Variants in UIMC1 observed in about 807,000 individuals in gnomAD.
The protein encoded by UIMC1 is ubiquitin interaction motif containing 1, also known as BRCA1-A complex subunit RAP80.
A neutral mutation model predicts 84.9 loss-of-function variants in UIMC1; 42 were observed. That is an observed-to-expected ratio of 0.49 (90% CI 0.39 to 0.64). The LOEUF is 0.64. UIMC1 is among the 30% of genes least tolerant of loss of function. The probability of loss-of-function intolerance (pLI) is 0.00; values close to 1 mark genes in which losing one functional copy is unlikely to be tolerated. For missense variants in UIMC1, 825 were observed against 847.6 expected (o/e 0.97, Z 0.33); for synonymous variants, 281 against 293.0 (o/e 0.96, Z 0.42).
At chr5:176,971,246 T>C (rs1042950494) in intron 3 of UIMC1, among the ~76,000 whole-genome samples, 2 of 152,258 alleles carry the variant, frequency 1.3e-5, no homozygotes, top group Non-Finnish European at 2.9e-5. Flanking sequence ...CAACGCTTTA[T>C]GCTCAACATT....
intron 1 of UIMC1, among the ~76,000 whole-genome samples, chr5:177,020,238 T>G (rs1775759264): frequency 6.6e-6 from 1 of 152,186 alleles, no homozygotes; most frequent in African/African-American, 2.4e-5. Flanking sequence ...TCAGGGCCTT[T>G]GTACCTGCTG....
rs1468988297 is a variant in UIMC1, at chr5:177,012,940, G to C, written c.-9+9524C>G. On this transcript the variant is annotated intron_variant, in intron 1 of 5. Coordinates refer to the UIMC1 transcript ENST00000509236. ...AAAAATGAATAATAAAACTAGCCAG[G>C]CTTGGTAGTATGTGCCTATAGTCCT... Among the ~76,000 whole-genome samples, 7 of 151,734 alleles carry C rather than the reference G, an allele frequency of 4.6e-5. No individual in the cohort carries two copies. In the East Asian group the frequency reaches 1.4e-3, roughly 29 times the overall value.
intron 10 of UIMC1, among the ~76,000 whole-genome samples, chr5:176,914,150 G>A (rs1760676092): frequency 6.6e-6 from 1 of 151,792 alleles, no homozygotes; most frequent in Non-Finnish European, 1.5e-5. Flanking sequence ...TAACTAAGTT[G>A]CTGGGTATTT....
At chr5:176,909,092 ATTAAG>A (rs1421639680) in intron 11 of UIMC1, among the ~76,000 whole-genome samples, 22 of 152,382 alleles carry the variant, frequency 1.4e-4, no homozygotes, top group African/African-American at 3.8e-4. Context: ...AGAGCATTAA[ATTAAG>A]TTGACATTTT....
intron 2 of UIMC1, among the ~76,000 whole-genome samples, chr5:176,976,597 A>G (rs1770110551): frequency 6.6e-6 from 1 of 152,170 alleles, no homozygotes; most frequent in Admixed American, 6.5e-5. Flanking sequence ...CCCACTGTGG[A>G]AAAAAAAGAA....
At position 176,984,698 on chromosome 5, in the gene UIMC1, C is replaced by T. The variant is rs569515433; in HGVS notation, c.-8-2075G>A. On this transcript the variant is annotated intron_variant, in intron 1 of 14. Transcript: ENST00000511320. The stretch of plus-strand genomic sequence containing the variant: ...AAAGAGAGATCAGGTTGTTACTGTG[C>T]CTGTGTAGAAAGAAGTAGACATAGG... Among the ~76,000 whole-genome samples the T allele has an allele frequency of 4.6e-5, 7 of 151,582 alleles. 2 individuals carry two copies. Among genetic ancestry groups the T allele is most frequent in the African/African-American group, 1.5e-4 (6 of 41,358 alleles).
At chr5:176,993,836 C>T (rs1156593012) in intron 1 of UIMC1, among the ~76,000 whole-genome samples, 6 of 151,534 alleles carry the variant, frequency 4.0e-5, no homozygotes, top group East Asian at 3.9e-4. Context: ...GGTGAAACCC[C>T]GTCTCTACTA....
At chr5:176,956,577 C>T (rs142340388) in intron 7 of UIMC1, among the ~76,000 whole-genome samples, 37 of 152,276 alleles carry the variant, frequency 2.4e-4, no homozygotes, top group African/African-American at 8.7e-4. Flanking sequence ...AATTGAATCT[C>T]TTTTCTAACA....
intron 1 of UIMC1, among the ~76,000 whole-genome samples, chr5:177,012,428 T>C (rs536518843): frequency 1.5e-4 from 23 of 152,284 alleles, no homozygotes; most frequent in African/African-American, 5.5e-4. Flanking sequence ...CCAGGCGCAG[T>C]GTCTCACACC....
intron 10 of UIMC1, among the ~76,000 whole-genome samples, chr5:176,914,556 C>T (rs1361724989): frequency 6.6e-6 from 1 of 152,176 alleles, no homozygotes; most frequent in East Asian, 1.9e-4. Flanking sequence ...AGACAGCATA[C>T]ACACTCAAAT....
intron 1 of UIMC1, among the ~76,000 whole-genome samples, chr5:177,019,578 G>A (rs1775743681): frequency 6.7e-6 from 1 of 150,162 alleles, no homozygotes; most frequent in Non-Finnish European, 1.5e-5. Context: ...GGAGTTCAAG[G>A]TTACAGTGAG....
At chr5:176,926,601 C>T (rs1323219441) in intron 10 of UIMC1, among the ~76,000 whole-genome samples, 1 of 151,916 alleles carries the variant, frequency 6.6e-6, no homozygotes, top group Non-Finnish European at 1.5e-5. Flanking sequence ...CATGCCAGTG[C>T]ACTTCAGCCT....
At chr5:176,951,047 G>A (rs1203478634) in intron 9 of UIMC1, among the ~76,000 whole-genome samples, 3 of 151,932 alleles carry the variant, frequency 2.0e-5, no homozygotes, top group Non-Finnish European at 4.4e-5. Context: ...ATCAAATTAG[G>A]GCTGGAAGTT....
At chr5:176,932,858 C>CTT (rs749495757) in intron 10 of UIMC1, among the ~76,000 whole-genome samples, 2,831 of 106,574 alleles carry the variant, frequency 0.027, 234 homozygotes, top group African/African-American at 0.11. Context: ...AATAGCAATG[C>CTT]TTTTTTTTTT....
intron 1 of UIMC1, among the ~76,000 whole-genome samples, chr5:176,994,960 T>C (rs1419122773): frequency 1.4e-5 from 2 of 139,204 alleles, no homozygotes; most frequent in Non-Finnish European, 1.5e-5. Flanking sequence ...TGGGGCGGGG[T>C]GTGGGGGGCA....
Position 176,967,289 on chromosome 5 carries a change from C to CA in UIMC1, c.1200+1265dup, listed in dbSNP as rs145577017. On this transcript the variant is annotated intron_variant, in intron 6 of 14. Coordinates refer to ENST00000511320, the MANE Select transcript of UIMC1 (RefSeq NM_001199298.2). Reference sequence around the variant, plus strand: ...ATCCACACATGGTATTTTTCACATCCAAAAAAAAAAAAAGATGAAGAAATT... The same window carrying CA: ...ATCCACACATGGTATTTTTCACATCCAAAAAAAAAAAAAAGATGAAGAAATT... 3.1e-3 allele frequency among the ~76,000 whole-genome samples: 387 copies of CA among 123,938 alleles called. 1 individual carries two copies. The highest frequency in any genetic ancestry group is 7.9e-3 in the African/African-American group (263 of 33,384). 81.3% of individuals were successfully genotyped at this position (123,938 alleles called of 152,430 possible).
At chr5:176,986,213 A>T (rs1304376619) in intron 1 of UIMC1, among the ~76,000 whole-genome samples, 8 of 151,818 alleles carry the variant, frequency 5.3e-5, no homozygotes, top group Non-Finnish European at 1.2e-4. Flanking sequence ...CACAAAAATT[A>T]GCTCGGCGTG....
chr5:176,940,469 T>C (rs1196182485), intron 10 of UIMC1, among the ~76,000 whole-genome samples: 2 of 152,172 alleles, frequency 1.3e-5, no homozygotes, highest in Non-Finnish European at 2.9e-5. Flanking sequence ...AGTCATTGAC[T>C]CAGATACCCA....
chr5:176,992,427 C>T (rs942632100), intron 1 of UIMC1, among the ~76,000 whole-genome samples: 3 of 148,082 alleles, frequency 2.0e-5, no homozygotes, highest in Non-Finnish European at 4.4e-5. Flanking sequence ...GCGTTCAAGA[C>T]GAGCCTCAGC....
Sources: allele counts gnomAD v4.1 joint callset (sites outside exome capture counted in the v4.1 genomes callset), GRCh38; gene constraint gnomAD v4.1.1; transcripts MANE v1.5; gene names NCBI Gene and HGNC (gene_info 2026-07-23, HGNC 2026-07-21).